The following DDX23 variants were observed in gnomAD, a reference collection of about 807,000 sequenced individuals.
The protein encoded by DDX23 is DEAD-box helicase 23, also known as probable ATP-dependent RNA helicase DDX23.
DDX23 carries 33 observed loss-of-function variants against 102.7 expected under a neutral mutation model. The observed-to-expected ratio is 0.32, with a 90% CI of 0.24 to 0.43. The LOEUF (loss-of-function observed/expected upper bound fraction) is 0.43, where lower values mean the gene tolerates loss of function less well. DDX23 is among the 20% of genes least tolerant of loss of function. DDX23 has a pLI of 1.00. For synonymous variants in DDX23, 352 were observed against 376.0 expected (o/e 0.94, Z 0.74); for missense variants, 549 against 1,086.6 (o/e 0.51, Z 6.96).
At chr12:48,839,782 C>T (rs1938520220) in intron 5 of DDX23, 62 bp downstream of exon 5, 2 of 1,542,902 alleles carry the variant, frequency 1.3e-6, no homozygotes, top group East Asian at 4.5e-5. Flanking sequence ...TTGAAGTCAC[C>T]CAGTCTGTGG....
intron 5 of DDX23, 191 bp downstream of exon 5, chr12:48,839,653 A>C: frequency 1.7e-6 from 1 of 577,076 alleles, no homozygotes; most frequent in African/African-American, 1.9e-5. Context: ...CCATGTGAAG[A>C]GCTGAGGAAG....
chr12:48,833,579 G>C, intron 12 of DDX23, 60 bp from the exon 13 acceptor site: 3 of 1,576,956 alleles, frequency 1.9e-6, no homozygotes, highest in Admixed American at 3.5e-5. Context: ...TCTTTCCTGT[G>C]AACTATCCAC....
At position 48,832,023 on chromosome 12, in the gene DDX23, G is replaced by A; in HGVS notation, c.2064+55C>T. The A allele has an allele frequency of 6.5e-7, 1 of 1,530,670 alleles. No individual in the cohort carries two copies. The highest frequency in any genetic ancestry group is 9.0e-7 in the Non-Finnish European group (1 of 1,105,968). 94.8% of individuals were successfully genotyped at this position (1,530,670 alleles called of 1,614,324 possible). A position where few individuals can be genotyped will look rare whatever the true frequency, so the allele number is the denominator to read the frequency against. On this transcript the variant is annotated intron_variant, in intron 15 of 16. Transcript: ENST00000308025. The surrounding 1 kb of genome is among the most constrained non-coding windows in gnomAD (Gnocchi z 4.4). Reference sequence around the variant, plus strand: ...AGGAAGAGCCTAGGGGGCCCTGCTAGATTCAGAAAGCAGTGCCACAGAGGC... The same window carrying A: ...AGGAAGAGCCTAGGGGGCCCTGCTAAATTCAGAAAGCAGTGCCACAGAGGC...
intron 3 of DDX23, 51 bp downstream of exon 3, chr12:48,843,889 G>C (rs1592204048): frequency 2.5e-6 from 4 of 1,586,470 alleles, no homozygotes. Flanking sequence ...CTCAGGTGCA[G>C]AGAAGAAATG....
Position 48,839,784 on chromosome 12 carries a change from A to G in DDX23, c.480+60T>C, listed in dbSNP as rs548017130. ...TTAACTTCTGTCGTTGAAGTCACCC[A>G]GTCTGTGGTATTGTGTTATGGCAGC... On this transcript the variant is annotated intron_variant, in intron 5 of 16. Coordinates refer to ENST00000308025, the MANE Select transcript of DDX23 (RefSeq NM_004818.3). 32 of 1,552,856 alleles carry G rather than the reference A, an allele frequency of 2.1e-5. No individual in the cohort carries two copies. The East Asian group carries it at 7.0e-4, about 34-fold the overall frequency.
intron 2 of DDX23, among the ~76,000 whole-genome samples, chr12:48,845,153 T>TA (rs1246768678): frequency 0.023 from 2,419 of 105,270 alleles, 34 homozygotes; most frequent in Non-Finnish European, 0.033. Context: ...ACTCCATCTT[T>TA]TAAAAAAAAA....
At position 48,834,394 on chromosome 12, in the gene DDX23, C is replaced by T; in HGVS notation, c.1486G>A (p.Gly496Ser). The T allele has an allele frequency of 1.2e-6, 2 of 1,614,164 alleles. No individual in the cohort carries two copies. The highest frequency in any genetic ancestry group is 2.7e-5 in the African/African-American group (2 of 75,030). The change falls in exon 12 of 17, where the codon GGT becomes AGT. Residue 496 changes from glycine to serine, a missense_variant. This residue lies in a region of DDX23 where 270 missense variants were observed against 707.0 expected (regional missense o/e 0.38). Transcript: ENST00000308025. ...CCAATGACAGCCACAGTGCGGATACCTAGCGGTTTCCCAAACTTGATGGTC... is the reference window on the plus strand; with the variant it reads ...CCAATGACAGCCACAGTGCGGATACTTAGCGGTTTCCCAAACTTGATGGTC... ...EETIKFGKPLGIRTVAVIGGI... is the reference protein window; with the variant it reads ...EETIKFGKPLSIRTVAVIGGI...
At chr12:48,850,009 G>C (rs567136526) in intron 1 of DDX23, among the ~76,000 whole-genome samples, 39 of 152,370 alleles carry the variant, frequency 2.6e-4, no homozygotes, top group African/African-American at 9.1e-4. Flanking sequence ...TTACAGGTCA[G>C]AGTAGAGTTA....
rs1938375581 is a variant in DDX23, at chr12:48,830,842, CCT to C, written c.2240-152_2240-151del. ...CCTGAACCTGAGGCGCCCACAGTGC[CCT>C]CTCCAGGTGCCCATCTCCCCTGTCC... On this transcript the variant is annotated intron_variant, in intron 16 of 16. Coordinates refer to ENST00000308025, the MANE Select transcript of DDX23 (RefSeq NM_004818.3). The surrounding 1 kb of genome is among the most constrained non-coding windows in gnomAD (Gnocchi z 4.9). 3.6e-6 allele frequency: 3 copies of C among 840,314 alleles called. No individual in the cohort carries two copies. In the East Asian group the frequency reaches 8.0e-5, roughly 22 times the overall value. The allele number at this position is 840,314 out of a possible 1,614,324, so 52.1% of individuals were successfully genotyped here. A position where few individuals can be genotyped will look rare whatever the true frequency, so the allele number is the denominator to read the frequency against.
At chr12:48,835,447 C>G (rs1451899391) in intron 11 of DDX23, among the ~76,000 whole-genome samples, 1 of 152,106 alleles carries the variant, frequency 6.6e-6, no homozygotes, top group African/African-American at 2.4e-5. Context: ...CACTGGCTCA[C>G]GCCTGTAATT....
At chr12:48,841,917 C>T (rs1247604131) in intron 3 of DDX23, among the ~76,000 whole-genome samples, 3 of 151,464 alleles carry the variant, frequency 2.0e-5, no homozygotes, top group Non-Finnish European at 3.0e-5. Flanking sequence ...TCTGCCAGGC[C>T]GCCCATCGTC....
chr12:48,832,315 C>T lies in DDX23; in HGVS notation c.1955+107G>A. 1.3e-6 allele frequency: 2 copies of T among 1,554,586 alleles called. No homozygotes were observed. Among genetic ancestry groups the T allele is most frequent in the Non-Finnish European group, 1.8e-6 (2 of 1,138,514 alleles). On this transcript the variant is annotated intron_variant, in intron 14 of 16. Transcript: ENST00000308025. The surrounding 1 kb of genome is among the most constrained non-coding windows in gnomAD (Gnocchi z 4.4). ...GACATTCTGCCCAAGAAAACAGCAG[C>T]TCTTCAACACAGCAGAGCAATTGCC...
intron 13 of DDX23, among the ~76,000 whole-genome samples, 173 bp downstream of exon 13, chr12:48,833,104 C>A (rs1216582367): frequency 2.0e-5 from 3 of 152,208 alleles, no homozygotes; most frequent in Admixed American, 1.3e-4. Flanking sequence ...CCACCTCAGC[C>A]TCCTGAGTGG....
chr12:48,832,397 TC>T lies in DDX23; in HGVS notation c.1955+24del. 1 of 1,606,372 alleles carries T rather than the reference TC, an allele frequency of 6.2e-7. No homozygotes were observed. The highest frequency in any genetic ancestry group is 8.5e-7 in the Non-Finnish European group (1 of 1,173,732). On this transcript the variant is annotated intron_variant, in intron 14 of 16. Coordinates refer to ENST00000308025, the MANE Select transcript of DDX23 (RefSeq NM_004818.3). The surrounding 1 kb of genome is among the most constrained non-coding windows in gnomAD (Gnocchi z 4.4). ...GAGCCATTTTATTCTCCACCCTGTT[TC>T]CCCTGGCTCAGCTGCCCTCATACCT...
intron 5 of DDX23, chr12:48,839,558 C>CAAAA (rs35663911): frequency 1.4e-4 from 10 of 73,118 alleles, no homozygotes; most frequent in Admixed American, 3.6e-4. Flanking sequence ...GACTCTGTCT[C>CAAAA]AAAAAAAAAA....
At position 48,832,510 on chromosome 12, in the gene DDX23, G is replaced by A; in HGVS notation, c.1867C>T (p.Arg623Ter). Residue 623 changes from arginine to a stop codon, truncating the protein, a stop_gained, in exon 14 of 17, where the codon CGA becomes TGA. Transcript: ENST00000308025. LOFTEE classifies it high-confidence loss of function. The surrounding 1 kb of genome is among the most constrained non-coding windows in gnomAD (Gnocchi z 4.4). Reference sequence around the variant, plus strand: ...GAGCCAATGTACACCACAGCAGGTCGCCGAAGATAGCTCCTGGCCAGACGC... The same window carrying A: ...GAGCCAATGTACACCACAGCAGGTCACCGAAGATAGCTCCTGGCCAGACGC... ...VERLARSYLR[R>*]PAVVYIGSAG... 1.2e-6 allele frequency: 2 copies of A among 1,614,126 alleles called. No individual in the cohort carries two copies. The highest frequency in any genetic ancestry group is 1.7e-6 in the Non-Finnish European group (2 of 1,180,022).
intron 16 of DDX23, 48 bp downstream of exon 16, chr12:48,831,094 A>T: frequency 6.2e-7 from 1 of 1,605,922 alleles, no homozygotes; most frequent in Non-Finnish European, 8.5e-7. Context: ...GGACACCATA[A>T]GGAATCTGAC....
intron 3 of DDX23, among the ~76,000 whole-genome samples, chr12:48,840,598 G>A (rs897875960): frequency 5.3e-5 from 8 of 150,452 alleles, no homozygotes; most frequent in Non-Finnish European, 8.8e-5. Context: ...TGTCGCCCAG[G>A]CTGGAGTGCA....
chr12:48,831,003 C>T, intron 16 of DDX23, 139 bp downstream of exon 16: 3 of 985,984 alleles, frequency 3.0e-6, no homozygotes, highest in South Asian at 2.9e-5. Context: ...AGGAGTGCTT[C>T]TCATGGGAGC....
Sources: gnomAD v4.1 joint callset for allele counts (sites outside exome capture counted in the v4.1 genomes callset) on GRCh38, gnomAD v4.1.1 for gene constraint, gnomAD v4.1.1 regional missense constraint, Gnocchi (gnomAD v3.1) non-coding constraint, MANE v1.5 for transcripts, NCBI Gene and HGNC (gene_info 2026-07-23, HGNC 2026-07-21) for gene names.